The following AVEN variants were observed in gnomAD, a reference collection of about 807,000 sequenced individuals.
The protein encoded by AVEN is cell death regulator Aven.
AVEN carries 41 observed loss-of-function variants against 38.1 expected under a neutral mutation model. The ratio of observed to expected loss-of-function variants is 1.08; its 90% confidence interval spans 0.84 to 1.40. The LOEUF (loss-of-function observed/expected upper bound fraction) is 1.40, where lower values mean the gene tolerates loss of function less well. Ranked by LOEUF, AVEN falls within the 40% of genes most tolerant of loss-of-function variation. The probability of loss-of-function intolerance (pLI) is 0.00; values close to 1 mark genes in which losing one functional copy is unlikely to be tolerated. For synonymous variants in AVEN, 206 were observed against 171.8 expected (o/e 1.20, Z -1.56); for missense variants, 605 against 438.8 (o/e 1.38, Z -3.38).
Position 33,939,286 on chromosome 15 carries a change from ACC to A in AVEN, c.446-63293_446-63292del, listed in dbSNP as rs2153053273. Among the ~76,000 whole-genome samples, 5 of 152,346 alleles carry A rather than the reference ACC, an allele frequency of 3.3e-5. No individual in the cohort carries two copies. The South Asian group carries it at 1.0e-3, about 32-fold the overall frequency. On this transcript the variant is annotated intron_variant, in intron 2 of 5. Coordinates refer to ENST00000306730, the MANE Select transcript of AVEN (RefSeq NM_020371.3). ...TTACAATGTGTTCAATAGTATTTAAACCAATTTCATTAATTAATTACAATTCA... is the reference window on the plus strand; with the variant it reads ...TTACAATGTGTTCAATAGTATTTAAAAATTTCATTAATTAATTACAATTCA...
intron 1 of AVEN, among the ~76,000 whole-genome samples, chr15:34,032,756 G>A (rs1006258922): frequency 6.6e-6 from 1 of 152,112 alleles, no homozygotes; most frequent in Non-Finnish European, 1.5e-5. Flanking sequence ...CAGCACAACT[G>A]CTTTTCAGCC....
At chr15:34,053,340 A>G (rs1900014213) in intron 5 of AVEN, among the ~76,000 whole-genome samples, 1 of 141,808 alleles carries the variant, frequency 7.1e-6, no homozygotes, top group Non-Finnish European at 1.5e-5. Context: ...ATATATATAT[A>G]TATGGAACTG....
chr15:33,869,146 G>A (rs1440312991), intron 4 of AVEN, among the ~76,000 whole-genome samples: 1 of 152,170 alleles, frequency 6.6e-6, no homozygotes, highest in East Asian at 1.9e-4. Flanking sequence ...ACAGGGCAAA[G>A]CTGGGACATG....
intron 2 of AVEN, among the ~76,000 whole-genome samples, chr15:33,907,371 C>T (rs930912600): frequency 6.6e-6 from 1 of 152,174 alleles, no homozygotes; most frequent in African/African-American, 2.4e-5. Context: ...AGGAGTATCT[C>T]AGAGGAAAGG....
intron 4 of AVEN, among the ~76,000 whole-genome samples, chr15:33,868,544 CAAAAAA>C (rs35851228): frequency 1.5e-5 from 1 of 66,232 alleles, no homozygotes; most frequent in African/African-American, 4.6e-5. Context: ...GACTCCGTCT[CAAAAAA>C]AAAAAAAAAA....
chr15:34,051,808 A>G (rs1185331551), intron 5 of AVEN, among the ~76,000 whole-genome samples: 1 of 152,102 alleles, frequency 6.6e-6, no homozygotes, highest in East Asian at 1.9e-4. Context: ...GAATCCCTTA[A>G]TAGACCAATA....
intron 1 of AVEN, among the ~76,000 whole-genome samples, chr15:34,033,825 G>C (rs1898978433): frequency 1.3e-5 from 2 of 152,120 alleles, no homozygotes. Context: ...GTCTCATTCT[G>C]TCTCCAGGGT....
At chr15:33,978,001 AGAGGAAGG>A (rs1202683081) in intron 2 of AVEN, among the ~76,000 whole-genome samples, 1 of 124,232 alleles carries the variant, frequency 8.0e-6, no homozygotes, top group African/African-American at 3.0e-5. Context: ...GAAAAGGAAG[AGAGGAAGG>A]GAGGGAGGGA....
At chr15:33,961,799 T>A (rs538684924) in intron 2 of AVEN, among the ~76,000 whole-genome samples, 2 of 101,414 alleles carry the variant, frequency 2.0e-5, no homozygotes, top group Non-Finnish European at 3.5e-5. Context: ...GGCGACAGAG[T>A]GAGACTCTGT....
chr15:34,072,776 C>G (rs922239749), intron 1 of AVEN, among the ~76,000 whole-genome samples: 2 of 150,320 alleles, frequency 1.3e-5, no homozygotes, highest in Middle Eastern at 3.2e-3. Flanking sequence ...CTCAGCCTCC[C>G]GAGTAGCTGA....
At chr15:34,006,294 G>C (rs1897337695) in intron 1 of AVEN, among the ~76,000 whole-genome samples, 1 of 149,244 alleles carries the variant, frequency 6.7e-6, no homozygotes, top group Non-Finnish European at 1.5e-5. Context: ...CCGGGCAACA[G>C]AGCGAGACTC....
chr15:33,877,399 A>G (rs1397065507), intron 2 of AVEN, among the ~76,000 whole-genome samples: 1 of 152,266 alleles, frequency 6.6e-6, no homozygotes, highest in African/African-American at 2.4e-5. Flanking sequence ...AATCTGAAGA[A>G]ACAATGCTGT....
At chr15:33,980,189 G>T (rs1314508456) in intron 2 of AVEN, among the ~76,000 whole-genome samples, 1 of 152,196 alleles carries the variant, frequency 6.6e-6, no homozygotes, top group Admixed American at 6.5e-5. Context: ...ACACATTAAA[G>T]TATGTAAGTA....
intron 2 of AVEN, among the ~76,000 whole-genome samples, chr15:33,894,287 A>C (rs1892114677): frequency 6.6e-6 from 1 of 151,990 alleles, no homozygotes; most frequent in Non-Finnish European, 1.5e-5. Context: ...CAGCACCAAA[A>C]GTGCAGAACC....
At position 34,038,825 on chromosome 15, in the gene AVEN, G is replaced by C. The variant is rs1899303751; in HGVS notation, c.222C>G (p.Gly74=). The part of the protein sequence containing the change: ...GGRGGGGAPR[G]SRREPGGWGA... ...CCCAGCCTCCCGGCTCCCGGCGGCT[G>C]CCTCGCGGGGCGCCTCCTCCTCCTC... The change falls in exon 1 of 6, where the codon GGC becomes GGG. Residue 74 remains glycine, a synonymous_variant. Coordinates refer to ENST00000306730, the MANE Select transcript of AVEN (RefSeq NM_020371.3). 2 of 1,190,436 alleles carry C rather than the reference G, an allele frequency of 1.7e-6. No individual in the cohort carries two copies. Among genetic ancestry groups the C allele is most frequent in the African/African-American group, 3.3e-5 (2 of 61,226 alleles). 73.7% of individuals were successfully genotyped at this position (1,190,436 alleles called of 1,614,324 possible).
intron 2 of AVEN, among the ~76,000 whole-genome samples, chr15:33,931,423 T>G (rs1450218505): frequency 3.5e-5 from 5 of 141,550 alleles, no homozygotes; most frequent in African/African-American, 8.2e-5. Context: ...CGGGCTGGAG[T>G]GCAGTGGCAC....
At chr15:33,937,558 G>A (rs549419072) in intron 2 of AVEN, among the ~76,000 whole-genome samples, 40 of 151,912 alleles carry the variant, frequency 2.6e-4, no homozygotes, top group Non-Finnish European at 5.3e-4. Context: ...ATCCTTCTAC[G>A]GACTAAATGG....
intron 2 of AVEN, among the ~76,000 whole-genome samples, chr15:33,957,411 A>G (rs1324624150): frequency 6.6e-6 from 1 of 152,232 alleles, no homozygotes; most frequent in Non-Finnish European, 1.5e-5. Flanking sequence ...CTACATTACA[A>G]CCACTATGGA....
At chr15:33,867,170 C>T (rs978561343) in intron 5 of AVEN, among the ~76,000 whole-genome samples, 2 of 152,114 alleles carry the variant, frequency 1.3e-5, no homozygotes, top group Non-Finnish European at 2.9e-5. Context: ...GCCTGTCAGT[C>T]GATTAAAAGG....
Sources: gnomAD v4.1 joint callset for allele counts (sites outside exome capture counted in the v4.1 genomes callset) on GRCh38, gnomAD v4.1.1 for gene constraint, MANE v1.5 for transcripts, NCBI Gene and HGNC (gene_info 2026-07-23, HGNC 2026-07-21) for gene names.